Variants in CCDC34 observed in about 807,000 individuals in gnomAD.
CCDC34 encodes coiled-coil domain-containing protein 34.
A neutral mutation model predicts 44.1 loss-of-function variants in CCDC34; 40 were observed. The observed-to-expected ratio is 0.91, with a 90% CI of 0.70 to 1.18. CCDC34 has a LOEUF of 1.18. Ranked by LOEUF, CCDC34 falls within the 50% of genes most tolerant of loss-of-function variation. The pLI is 0.00. For synonymous variants in CCDC34, 159 were observed against 158.2 expected (o/e 1.01, Z -0.04); for missense variants, 466 against 452.3 (o/e 1.03, Z -0.28).
At chr11:27,355,763 T>C (rs1206350169) in intron 2 of CCDC34, among the ~76,000 whole-genome samples, 1 of 152,184 alleles carries the variant, frequency 6.6e-6, no homozygotes, top group Admixed American at 6.5e-5. Context: ...CCCTGTGTAC[T>C]GTCAAGAGGA....
intron 2 of CCDC34, among the ~76,000 whole-genome samples, chr11:27,354,729 G>A (rs1446223707): frequency 4.3e-5 from 6 of 140,300 alleles, no homozygotes; most frequent in African/African-American, 1.6e-4. Context: ...TTAGCCAGGC[G>A]TGGTAGCGTG....
At chr11:27,350,078 C>T (rs1209066871) in intron 3 of CCDC34, 19 of 1,343,344 alleles carry the variant, frequency 1.4e-5, no homozygotes, top group Non-Finnish European at 1.8e-5. Context: ...AAGGTCAGGC[C>T]TAGAAATACA....
chr11:27,340,436 A>G (rs1590321247), intron 5 of CCDC34, among the ~76,000 whole-genome samples: 1 of 152,186 alleles, frequency 6.6e-6, no homozygotes, highest in East Asian at 1.9e-4. Context: ...AACATTATTC[A>G]TTTCTTAATG....
rs529428306 is a variant in CCDC34 at position 27,348,915 on chromosome 11, G to A, written c.606+1417C>T. The stretch of plus-strand genomic sequence containing the variant: ...ATTTTTAAATAATTCTCAACATTAC[G>A]GAATTTTGCCTTCAATAACTAGTGA... On this transcript the variant is annotated intron_variant, in intron 3 of 5. Coordinates refer to ENST00000328697, the MANE Select transcript of CCDC34 (RefSeq NM_030771.2). 196 of 983,994 alleles carry A rather than the reference G, an allele frequency of 2.0e-4. 2 individuals carry two copies. The South Asian group carries it at 7.2e-3, about 36-fold the overall frequency. The allele number at this position is 983,994 out of a possible 1,614,324, so 61.0% of individuals were successfully genotyped here.
intron 3 of CCDC34, chr11:27,349,520 T>C: frequency 1.1e-6 from 1 of 924,760 alleles, no homozygotes; most frequent in Non-Finnish European, 1.3e-6. Flanking sequence ...AATATTGTCC[T>C]ACAATTTAAA....
chr11:27,346,248 T>C (rs543800579), intron 3 of CCDC34, among the ~76,000 whole-genome samples: 1 of 151,904 alleles, frequency 6.6e-6, no homozygotes, highest in East Asian at 1.9e-4. Flanking sequence ...ATACAAAAAT[T>C]AGCCAGGTGT....
Position 27,338,948 on chromosome 11 carries a change from G to T in CCDC34, c.995C>A (p.Ala332Asp). Residue 332 changes from alanine (A) to aspartate (D), a missense_variant, in exon 6 of 6, where the codon GCT becomes GAT. By Grantham distance (126) the Ala-to-Asp change is moderately radical. Transcript: ENST00000328697. ...KPIHMPPPKE[A>D]KDLSGRKSKR... is the part of the protein sequence containing the mutation. Reference sequence around the variant, plus strand: ...ACTCTTCCTTCCTGATAGATCCTTAGCTTCTTTGGGAGGTGGCATATGAAT... The same window carrying T: ...ACTCTTCCTTCCTGATAGATCCTTATCTTCTTTGGGAGGTGGCATATGAAT... 1 of 1,613,778 alleles carries T rather than the reference G, an allele frequency of 6.2e-7. No homozygotes were observed.
At chr11:27,340,385 T>C (rs1862338419) in intron 5 of CCDC34, among the ~76,000 whole-genome samples, 1 of 152,150 alleles carries the variant, frequency 6.6e-6, no homozygotes, top group Admixed American at 6.5e-5. Context: ...CCCCTTAAAA[T>C]ATATCCTGAT....
intron 1 of CCDC34, among the ~76,000 whole-genome samples, chr11:27,359,669 T>C (rs1862634082): frequency 6.6e-6 from 1 of 152,178 alleles, no homozygotes. Flanking sequence ...ATGTACATTT[T>C]TTAAAAAACT....
At chr11:27,361,887 G>C (rs1296908625) in intron 1 of CCDC34, among the ~76,000 whole-genome samples, 2 of 152,168 alleles carry the variant, frequency 1.3e-5, no homozygotes, top group African/African-American at 2.4e-5. Flanking sequence ...AACGTAATGA[G>C]TCTATCCCAG....
chr11:27,362,234 A>G (rs890926129), intron 1 of CCDC34, among the ~76,000 whole-genome samples: 1 of 152,220 alleles, frequency 6.6e-6, no homozygotes, highest in African/African-American at 2.4e-5. Context: ...AAATAAACAA[A>G]TTAAGACAGT....
intron 4 of CCDC34, 50 bp downstream of exon 4, chr11:27,341,342 A>C (rs1862354997): frequency 1.7e-6 from 2 of 1,143,578 alleles, no homozygotes; most frequent in Non-Finnish European, 2.4e-6. Context: ...TAGTTGACAC[A>C]TATGAACACC....
Position 27,363,131 on chromosome 11 carries a change from AG to A in CCDC34, c.63del (p.Cys22AlafsTer16). ...GAGGAGGGCCGAGACCTGGGTCTGC[AG>A]TCAGCAGAGAAACCGGCGTAGGAAG... ...FPSSYAGFSA[D>X]CRPRSRPSSD... On this transcript the variant is annotated frameshift_variant, in exon 1 of 6. Transcript: ENST00000328697. LOFTEE classifies it high-confidence loss of function. The A allele has an allele frequency of 6.5e-7, 1 of 1,549,422 alleles. No individual in the cohort carries two copies. The highest frequency in any genetic ancestry group is 8.7e-7 in the Non-Finnish European group (1 of 1,149,342).
In CCDC34 at chr11:27,340,775, A is replaced by C; in HGVS notation, c.828T>G (p.Phe276Leu). The part of the protein sequence containing the change: ...QEKKEIAEKK[F>L]QEWLENAKHK... Reference sequence around the variant, plus strand: ...GTTTCGCATTTTCCAACCATTCTTGAAACTTTTTTTCTGCTATTTCCTTTT... The same window carrying C: ...GTTTCGCATTTTCCAACCATTCTTGCAACTTTTTTTCTGCTATTTCCTTTT... Residue 276 changes from phenylalanine to leucine, a missense_variant, in exon 5 of 6, where the codon TTT (phenylalanine) becomes TTG (leucine). Phe to Leu is a conservative substitution (Grantham distance 22). Coordinates refer to ENST00000328697, the MANE Select transcript of CCDC34 (RefSeq NM_030771.2). 1.2e-6 allele frequency: 2 copies of C among 1,613,814 alleles called. No individual in the cohort carries two copies. The highest frequency in any genetic ancestry group is 1.7e-6 in the Non-Finnish European group (2 of 1,179,840).
At chr11:27,362,591 T>C (rs542663072) in intron 1 of CCDC34, among the ~76,000 whole-genome samples, 1 of 152,264 alleles carries the variant, frequency 6.6e-6, no homozygotes, top group African/African-American at 2.4e-5. Flanking sequence ...TACATTTTTC[T>C]GGGAAGTGAG....
intron 3 of CCDC34, among the ~76,000 whole-genome samples, chr11:27,344,351 T>C (rs1245211990): frequency 1.3e-5 from 2 of 148,318 alleles, no homozygotes; most frequent in Non-Finnish European, 3.0e-5. Flanking sequence ...ATGTATATGT[T>C]ATAAACACAT....
At position 27,362,838 on chromosome 11, in the gene CCDC34, G is replaced by C; in HGVS notation, c.357C>G (p.Ala119=). 1 of 1,612,858 alleles carries C rather than the reference G, an allele frequency of 6.2e-7. No homozygotes were observed. Among genetic ancestry groups the C allele is most frequent in the Non-Finnish European group, 8.5e-7 (1 of 1,179,036 alleles). The part of the protein sequence containing the change: ...SLRGMELQGC[A]STQVESENNQ... Reference sequence around the variant, plus strand: ...CGGCCGGGCGGCCTCGGGTTTACCTGGCGCACCCCTGTAACTCCATTCCTC... The same window carrying C: ...CGGCCGGGCGGCCTCGGGTTTACCTCGCGCACCCCTGTAACTCCATTCCTC... Residue 119 remains alanine (A), a splice_region_variant and synonymous_variant, in exon 1 of 6, where the codon GCC becomes GCG. Transcript: ENST00000328697.
chr11:27,339,146 T>C (rs774845123), intron 5 of CCDC34, 111 bp from the exon 6 acceptor site: 13 of 734,292 alleles, frequency 1.8e-5, no homozygotes, highest in Non-Finnish European at 2.7e-5. Flanking sequence ...AAATTATCAC[T>C]AATAAGCCAA....
At chr11:27,356,912 G>A (rs1476141330) in intron 2 of CCDC34, among the ~76,000 whole-genome samples, 1 of 95,876 alleles carries the variant, frequency 1.0e-5, no homozygotes, top group African/African-American at 3.9e-5. Flanking sequence ...GGGGTTGGGG[G>A]TGGTGGGGTG....
Sources: gnomAD v4.1 joint callset for allele counts (sites outside exome capture counted in the v4.1 genomes callset) on GRCh38, gnomAD v4.1.1 for gene constraint, MANE v1.5 for transcripts, NCBI Gene and HGNC (gene_info 2026-07-23, HGNC 2026-07-21) for gene names.